SUSD4: variants seen among roughly 807,000 people sequenced by gnomAD.
SUSD4 encodes the protein sushi domain-containing protein 4.
Under a neutral mutation model 50.5 loss-of-function variants are expected in SUSD4, and 41 were observed. The ratio of observed to expected loss-of-function variants is 0.81; its 90% CI spans 0.63 to 1.05. The LOEUF is 1.05. SUSD4 is among the 50% of genes least tolerant of loss of function. The pLI is 0.00. For missense variants in SUSD4, 580 were observed against 634.7 expected, an observed-to-expected ratio of 0.91 and a Z score of 0.93; for synonymous variants, 257 against 257.3, an observed-to-expected ratio of 1.00 and a Z score of 0.01.
intron 2 of SUSD4, among the ~76,000 whole-genome samples, chr1:223,355,509 G>A (rs1437905629): frequency 3.3e-5 from 5 of 152,064 alleles, no homozygotes; most frequent in Admixed American, 6.5e-5. Context: ...GTCAGCCACC[G>A]CACCAGGCCC....
chr1:223,364,242 G>A (rs1479452155), upstream of SUSD4: 1 of 149,838 alleles, frequency 6.7e-6, no homozygotes, highest in Non-Finnish European at 1.5e-5. The surrounding 1 kb of genome is among the most constrained non-coding windows in gnomAD (Gnocchi z 4.5). Flanking sequence ...CCGAGCGGGC[G>A]GGTGTTGGGG....
chr1:223,357,315 CA>C (rs1668720031), intron 2 of SUSD4, among the ~76,000 whole-genome samples: 1 of 152,130 alleles, frequency 6.6e-6, no homozygotes, highest in South Asian at 2.1e-4. Flanking sequence ...TCTCTCAGGG[CA>C]GGGGGTGTTC....
intron 5 of SUSD4, among the ~76,000 whole-genome samples, chr1:223,244,762 G>A (rs1453661563): frequency 6.6e-6 from 1 of 152,216 alleles, no homozygotes; most frequent in East Asian, 1.9e-4. Context: ...ACCTTCAGCA[G>A]GGAATATGGG....
At chr1:223,360,905 A>G (rs1164453883) in intron 2 of SUSD4, among the ~76,000 whole-genome samples, 1 of 152,214 alleles carries the variant, frequency 6.6e-6, no homozygotes. Flanking sequence ...GGCCATTTGC[A>G]TTCAGTAATT....
chr1:223,319,972 C>G (rs544971224), intron 2 of SUSD4, among the ~76,000 whole-genome samples: 3 of 152,296 alleles, frequency 2.0e-5, no homozygotes, highest in African/African-American at 4.8e-5. Flanking sequence ...AAGTTACTTT[C>G]CTCCTATGAC....
At chr1:223,239,000 A>T (rs1367735248) in intron 5 of SUSD4, among the ~76,000 whole-genome samples, 3 of 151,938 alleles carry the variant, frequency 2.0e-5, no homozygotes, top group African/African-American at 4.8e-5. Context: ...TGCCTCATGT[A>T]GTTTGATGTT....
intron 5 of SUSD4, among the ~76,000 whole-genome samples, chr1:223,241,431 CCT>C (rs1660575617): frequency 1.3e-5 from 2 of 152,182 alleles, no homozygotes; most frequent in Admixed American, 6.5e-5. Flanking sequence ...TTCCCCAACC[CCT>C]GTCTTGTTTC....
intron 2 of SUSD4, among the ~76,000 whole-genome samples, chr1:223,333,005 C>T (rs1490687836): frequency 6.6e-6 from 1 of 152,144 alleles, no homozygotes; most frequent in Non-Finnish European, 1.5e-5. Flanking sequence ...CTGGGGAAAT[C>T]ATGTCAGCAC....
At chr1:223,350,973 A>C (rs979851436) in intron 2 of SUSD4, among the ~76,000 whole-genome samples, 1 of 152,262 alleles carries the variant, frequency 6.6e-6, no homozygotes, top group Admixed American at 6.5e-5. Context: ...CTAAAAATAT[A>C]ACAATAACAA....
intron 2 of SUSD4, among the ~76,000 whole-genome samples, chr1:223,353,917 G>C (rs1397724931): frequency 1.3e-5 from 2 of 152,020 alleles, no homozygotes; most frequent in Admixed American, 1.3e-4. Flanking sequence ...AGGTTAGAAA[G>C]CTACTCGGGA....
chr1:223,264,725 C>T lies in SUSD4; in HGVS notation c.629G>A (p.Cys210Tyr), dbSNP rs1199624519. 6.2e-7 allele frequency: 1 copy of T among 1,614,050 alleles called. No individual in the cohort carries two copies. Among genetic ancestry groups the T allele is most frequent in the African/African-American group, 1.3e-5 (1 of 74,916 alleles). ...FPVGTVISYR[C>Y]FPGFKLDGSA... Reference sequence around the variant, plus strand: ...CCCATCAAGTTTAAATCCGGGAAAGCAGCGATAGGAGATCACAGTCCCCAC... The same window carrying T: ...CCCATCAAGTTTAAATCCGGGAAAGTAGCGATAGGAGATCACAGTCCCCAC... The change falls in exon 5 of 9, where the codon TGC (cysteine) becomes TAC (tyrosine). Residue 210 changes from cysteine to tyrosine, a missense_variant. Physicochemically the swap from Cys to Tyr is radical, Grantham distance 194. Coordinates refer to ENST00000366878, the MANE Select transcript of SUSD4 (RefSeq NM_017982.4).
Position 223,229,455 on chromosome 1 carries a change from C to T in SUSD4, c.725-67G>A, listed in dbSNP as rs951654791. 64 of 1,451,438 alleles carry T rather than the reference C, an allele frequency of 4.4e-5. No homozygotes were observed. The highest frequency in any genetic ancestry group is 2.1e-4 in the African/African-American group (15 of 71,194). 89.9% of individuals were successfully genotyped at this position (1,451,438 alleles called of 1,614,324 possible). A position where few individuals can be genotyped will look rare whatever the true frequency, so the allele number is the denominator to read the frequency against. ...TCACCTTTGTCTGAAGCCCCTAAGACGAAGAATGGCCTAGGAGAACTCAGT... is the reference window on the plus strand; with the variant it reads ...TCACCTTTGTCTGAAGCCCCTAAGATGAAGAATGGCCTAGGAGAACTCAGT... On this transcript the variant is annotated intron_variant, in intron 5 of 8. Transcript: ENST00000366878. The surrounding 1 kb of genome is among the most constrained non-coding windows in gnomAD (Gnocchi z 4.7).
At chr1:223,279,080 A>G (rs1235704393) in intron 3 of SUSD4, among the ~76,000 whole-genome samples, 1 of 152,234 alleles carries the variant, frequency 6.6e-6, no homozygotes, top group Non-Finnish European at 1.5e-5. Flanking sequence ...GTACGTCACC[A>G]TCATCAAAGA....
intron 5 of SUSD4, among the ~76,000 whole-genome samples, chr1:223,244,532 G>T (rs1660791736): frequency 6.6e-6 from 1 of 152,186 alleles, no homozygotes; most frequent in African/African-American, 2.4e-5. Context: ...AGAGAGGGCA[G>T]GTCACGTGGG....
At chr1:223,364,841 C>T (rs1157627972), upstream of SUSD4, among the ~76,000 whole-genome samples, 3 of 152,128 alleles carry the variant, frequency 2.0e-5, no homozygotes, top group Non-Finnish European at 4.4e-5. The surrounding 1 kb of genome is among the most constrained non-coding windows in gnomAD (Gnocchi z 4.5). Context: ...CCGCGTTAAC[C>T]CCTCCCCGCT....
chr1:223,286,912 G>A (rs1237224701), intron 3 of SUSD4, among the ~76,000 whole-genome samples: 4 of 152,062 alleles, frequency 2.6e-5, no homozygotes, highest in Non-Finnish European at 4.4e-5. Context: ...GACAAGCCAT[G>A]TTTCCCTCCA....
At chr1:223,319,954 G>C (rs1666471610) in intron 2 of SUSD4, among the ~76,000 whole-genome samples, 1 of 152,178 alleles carries the variant, frequency 6.6e-6, no homozygotes, top group South Asian at 2.1e-4. Flanking sequence ...AGGTGGTCTT[G>C]GCTGGACAAG....
At chr1:223,239,630 AC>A (rs1660445219) in intron 5 of SUSD4, among the ~76,000 whole-genome samples, 1 of 152,054 alleles carries the variant, frequency 6.6e-6, no homozygotes, top group African/African-American at 2.4e-5. Context: ...TAGTATGAGT[AC>A]CTTATAATTA....
At position 223,223,604 on chromosome 1, in the gene SUSD4, G is replaced by C; in HGVS notation, c.1089C>G (p.Asp363Glu). The C allele has an allele frequency of 6.2e-7, 1 of 1,610,702 alleles. No individual in the cohort carries two copies. The highest frequency in any genetic ancestry group is 8.5e-7 in the Non-Finnish European group (1 of 1,177,998). ...CGCCGTCTACCACCACAAAGTCAGG[G>C]TCACTGCTGGAACTCCGGGGAGGCC... ...PRGPPRSSSSDPDFVVVDGVP... is the reference protein window; with the variant it reads ...PRGPPRSSSSEPDFVVVDGVP... The change falls in exon 8 of 9, where the codon GAC becomes GAG. Residue 363 changes from aspartate (D) to glutamate (E), a missense_variant. Asp to Glu is a conservative substitution (Grantham distance 45). Coordinates refer to ENST00000366878, the MANE Select transcript of SUSD4 (RefSeq NM_017982.4).
Sources: gnomAD v4.1 joint callset for allele counts (sites outside exome capture counted in the v4.1 genomes callset) on GRCh38, gnomAD v4.1.1 for gene constraint, Gnocchi (gnomAD v3.1) non-coding constraint, MANE v1.5 for transcripts, NCBI Gene and HGNC (gene_info 2026-07-23, HGNC 2026-07-21) for gene names.